Variants in MTSS1 observed in about 807,000 individuals in gnomAD.
The protein encoded by MTSS1 is MTSS I-BAR domain containing 1, also known as protein MTSS 1.
Under a neutral mutation model 79.0 loss-of-function variants are expected in MTSS1, and 18 were observed. The ratio of observed to expected loss-of-function variants is 0.23; its 90% CI spans 0.16 to 0.34. The LOEUF (loss-of-function observed/expected upper bound fraction) is 0.34, where lower values mean the gene tolerates loss of function less well. Among genes scored for constraint, MTSS1 ranks in the 10% least tolerant of loss-of-function variants. MTSS1 has a pLI of 1.00. For missense variants in MTSS1, 815 were observed against 986.2 expected, an observed-to-expected ratio of 0.83 and a Z score of 2.33; for synonymous variants, 341 against 368.6, an observed-to-expected ratio of 0.93 and a Z score of 0.86.
chr8:124,657,962 C>A (rs537608129), intron 3 of MTSS1, among the ~76,000 whole-genome samples: 8 of 152,220 alleles, frequency 5.3e-5, no homozygotes, highest in Admixed American at 5.2e-4. Context: ...GAGAGTGGAA[C>A]CTTCACAAAT....
Position 124,555,915 on chromosome 8 carries a change from G to C in MTSS1, c.1405-11C>G. On this transcript the variant is annotated splice_polypyrimidine_tract_variant and intron_variant, in intron 12 of 13. Transcript: ENST00000518547. Reference sequence around the variant, plus strand: ...CATCTCCTCACCAGGCTGCAGGTTGGAGGAGAGAAATACACAGGTTGCTTT... The same window carrying C: ...CATCTCCTCACCAGGCTGCAGGTTGCAGGAGAGAAATACACAGGTTGCTTT... 6.2e-7 allele frequency: 1 copy of C among 1,600,914 alleles called. No individual in the cohort carries two copies. Among genetic ancestry groups the C allele is most frequent in the Non-Finnish European group, 8.5e-7 (1 of 1,178,444 alleles).
chr8:124,691,087 A>T (rs981177217), intron 3 of MTSS1, among the ~76,000 whole-genome samples: 4 of 152,254 alleles, frequency 2.6e-5, no homozygotes, highest in African/African-American at 9.6e-5. Flanking sequence ...ATTTTTAAAA[A>T]GATGTTTTAT....
At chr8:124,641,460 C>G (rs1047036239) in intron 3 of MTSS1, among the ~76,000 whole-genome samples, 1 of 152,216 alleles carries the variant, frequency 6.6e-6, no homozygotes, top group African/African-American at 2.4e-5. Flanking sequence ...ACAGTTAAAA[C>G]AAGATTCCTT....
At chr8:124,697,482 T>G (rs1402405682) in intron 3 of MTSS1, among the ~76,000 whole-genome samples, 1 of 151,548 alleles carries the variant, frequency 6.6e-6, no homozygotes, top group Non-Finnish European at 1.5e-5. Context: ...ATTGCTTGAA[T>G]GTGGGGAGGC....
chr8:124,559,027 A>G (rs1225532678), intron 10 of MTSS1, among the ~76,000 whole-genome samples: 1 of 152,164 alleles, frequency 6.6e-6, no homozygotes, highest in Non-Finnish European at 1.5e-5. Context: ...CCAAAGTTGC[A>G]TCCATGCAGA....
chr8:124,718,259 A>AT (rs35604290), intron 1 of MTSS1, among the ~76,000 whole-genome samples: 80,114 of 149,758 alleles, frequency 0.53, 21,519 homozygotes, highest in Middle Eastern at 0.6. Flanking sequence ...ACATCTGCTA[A>AT]TTTTTTTTTT....
At chr8:124,655,554 C>T (rs1218743112) in intron 3 of MTSS1, among the ~76,000 whole-genome samples, 1 of 152,148 alleles carries the variant, frequency 6.6e-6, no homozygotes, top group South Asian at 2.1e-4. Context: ...CGCAGGAGCC[C>T]GGACTTGCTC....
intron 3 of MTSS1, among the ~76,000 whole-genome samples, chr8:124,619,857 G>A (rs1813122839): frequency 6.6e-6 from 1 of 152,240 alleles, no homozygotes; most frequent in Non-Finnish European, 1.5e-5. Context: ...GGCAGATGCG[G>A]TTCCCTTTAG....
intron 3 of MTSS1, among the ~76,000 whole-genome samples, chr8:124,655,262 T>G (rs1820733358): frequency 6.6e-6 from 1 of 152,248 alleles, no homozygotes; most frequent in African/African-American, 2.4e-5. Flanking sequence ...CAGGGGAGCT[T>G]TTGTTCTCAA....
chr8:124,666,038 CAG>C lies in MTSS1; in HGVS notation c.208+33486_208+33487del, dbSNP rs1312560583. ...ATTTCACAAAGCTGTTGTGAGAATTCAGAGACAACACACATATTAATACAATG... is the reference window on the plus strand; with the variant it reads ...ATTTCACAAAGCTGTTGTGAGAATTCAGACAACACACATATTAATACAATG... On this transcript the variant is annotated intron_variant, in intron 3 of 13. Transcript: ENST00000518547. Among the ~76,000 whole-genome samples, 3 of 152,180 alleles carry C rather than the reference CAG, an allele frequency of 2.0e-5. No homozygotes were observed. The East Asian group carries it at 5.8e-4, about 29-fold the overall frequency.
intron 13 of MTSS1, among the ~76,000 whole-genome samples, chr8:124,555,308 C>T (rs12550707): frequency 1.1e-4 from 16 of 151,934 alleles, no homozygotes; most frequent in Non-Finnish European, 2.1e-4. Flanking sequence ...TGCAGTGGCG[C>T]GATCTCAGCT....
chr8:124,654,006 G>C (rs1167344473), intron 3 of MTSS1, among the ~76,000 whole-genome samples: 1 of 152,148 alleles, frequency 6.6e-6, no homozygotes, highest in African/African-American at 2.4e-5. Flanking sequence ...TTCCATCACA[G>C]AGAAGTTACA....
chr8:124,568,002 C>T, intron 7 of MTSS1: 1 of 1,277,890 alleles, frequency 7.8e-7, no homozygotes, highest in East Asian at 2.7e-5. Flanking sequence ...TGGAGTGCTC[C>T]TTTAAAACAC....
intron 3 of MTSS1, among the ~76,000 whole-genome samples, chr8:124,610,453 A>T (rs1007067240): frequency 3.9e-5 from 6 of 152,246 alleles, no homozygotes; most frequent in African/African-American, 1.4e-4. Flanking sequence ...TTGGCTGCGC[A>T]TAAAGAAGGG....
intron 3 of MTSS1, among the ~76,000 whole-genome samples, chr8:124,660,472 A>C (rs895817877): frequency 7.0e-5 from 10 of 143,598 alleles, no homozygotes; most frequent in South Asian, 2.2e-4. Flanking sequence ...ACACACACAC[A>C]CCCTCAAGCT....
chr8:124,567,964 G>A (rs1826891780), intron 7 of MTSS1: 12 of 1,358,512 alleles, frequency 8.8e-6, no homozygotes, highest in East Asian at 5.3e-5. Flanking sequence ...CTTAGTACTC[G>A]GCTACAACAG....
intron 6 of MTSS1, chr8:124,568,896 T>A: frequency 7.2e-7 from 1 of 1,389,402 alleles, no homozygotes; most frequent in Non-Finnish European, 9.3e-7. Flanking sequence ...CTGAAGAGGC[T>A]AAGAGATGTG....
chr8:124,556,037 C>T (rs781710256), intron 12 of MTSS1, 133 bp from the exon 13 acceptor site: 1 of 1,541,236 alleles, frequency 6.5e-7, no homozygotes, highest in Non-Finnish European at 8.7e-7. Context: ...CCACTCTGAC[C>T]CTAGAAAGTT....
chr8:124,671,924 T>C (rs181580717), intron 3 of MTSS1, among the ~76,000 whole-genome samples: 23 of 152,300 alleles, frequency 1.5e-4, no homozygotes, highest in African/African-American at 5.1e-4. Flanking sequence ...CCATATTCAG[T>C]GACCATCAGG....
Sources: gnomAD v4.1 joint callset for allele counts (sites outside exome capture counted in the v4.1 genomes callset) on GRCh38, gnomAD v4.1.1 for gene constraint, MANE v1.5 for transcripts, NCBI Gene and HGNC (gene_info 2026-07-23, HGNC 2026-07-21) for gene names.